Variants in GPHN observed in about 807,000 individuals in gnomAD.
GPHN encodes gephyrin.
A neutral mutation model predicts 95.5 loss-of-function variants in GPHN; 17 were observed. The observed-to-expected ratio is 0.18, with a 90% CI of 0.12 to 0.27. The LOEUF (loss-of-function observed/expected upper bound fraction) is 0.27, where lower values mean the gene tolerates loss of function less well. Ranked by LOEUF, GPHN falls within the 10% of genes least tolerant of loss-of-function variation. The pLI is 1.00. For synonymous variants in GPHN, 320 were observed against 322.5 expected (o/e 0.99, Z 0.08); for missense variants, 660 against 978.1 (o/e 0.67, Z 4.34).
chr14:67,103,089 T>C (rs2077809073), intron 13 of GPHN, among the ~76,000 whole-genome samples: 1 of 152,014 alleles, frequency 6.6e-6, no homozygotes, highest in African/African-American at 2.4e-5. Flanking sequence ...GGTTTCTGGG[T>C]TTTTTCTTGA....
the GPHN span, among the ~76,000 whole-genome samples, chr14:67,194,738 T>G: frequency 3.9e-5 from 6 of 152,118 alleles, no homozygotes. Flanking sequence ...CCTGACCTGG[T>G]GATCCACCTC....
At chr14:66,999,723 G>C (rs1391547593) in intron 9 of GPHN, among the ~76,000 whole-genome samples, 1 of 151,758 alleles carries the variant, frequency 6.6e-6, no homozygotes, top group Admixed American at 6.6e-5. Context: ...TGTTGTAGCA[G>C]AGTTCCCTTT....
At chr14:67,277,869 C>G in the GPHN span, among the ~76,000 whole-genome samples, 1 of 152,048 alleles carries the variant, frequency 6.6e-6, no homozygotes, top group African/African-American at 2.4e-5. Context: ...GAGAAAATGA[C>G]TGGTCTTAAG....
intron 1 of GPHN, among the ~76,000 whole-genome samples, chr14:66,675,008 C>T (rs1413934352): frequency 1.3e-5 from 2 of 152,104 alleles, no homozygotes; most frequent in Non-Finnish European, 2.9e-5. Context: ...AATAGCCATT[C>T]TGACTGGGGT....
At chr14:66,592,283 A>C (rs36143685) in intron 1 of GPHN, among the ~76,000 whole-genome samples, 1 of 152,218 alleles carries the variant, frequency 6.6e-6, no homozygotes, top group Non-Finnish European at 1.5e-5. Context: ...CAATGGCAGC[A>C]AAAGCCAAAA....
the GPHN span, among the ~76,000 whole-genome samples, chr14:67,464,486 C>T: frequency 6.6e-6 from 1 of 152,148 alleles, no homozygotes; most frequent in African/African-American, 2.4e-5. Context: ...GCTTCTCTCA[C>T]CTGCATCCTG....
chr14:67,092,676 C>T (rs1357064197), intron 12 of GPHN, among the ~76,000 whole-genome samples: 1 of 151,754 alleles, frequency 6.6e-6, no homozygotes. Flanking sequence ...CAAAATAAAA[C>T]ATTAAGAAAG....
chr14:66,893,445 A>G (rs2064640110), intron 5 of GPHN, among the ~76,000 whole-genome samples: 1 of 152,136 alleles, frequency 6.6e-6, no homozygotes, highest in African/African-American at 2.4e-5. Context: ...CCCTTTGAAA[A>G]CTGGCACAAG....
At chr14:66,695,256 A>G (rs770857958) in intron 2 of GPHN, among the ~76,000 whole-genome samples, 1 of 152,234 alleles carries the variant, frequency 6.6e-6, no homozygotes, top group Non-Finnish European at 1.5e-5. Context: ...AGATATACAG[A>G]TGTCAAATAA....
At chr14:66,725,546 C>G (rs1016121783) in intron 2 of GPHN, among the ~76,000 whole-genome samples, 1 of 152,136 alleles carries the variant, frequency 6.6e-6, no homozygotes, top group Non-Finnish European at 1.5e-5. Flanking sequence ...TGCAGTGGCA[C>G]AATCTCGGCT....
At chr14:67,713,217 C>T in the GPHN span, among the ~76,000 whole-genome samples, 1 of 151,634 alleles carries the variant, frequency 6.6e-6, no homozygotes, top group Non-Finnish European at 1.5e-5. Flanking sequence ...CTGAAAACAA[C>T]TCTCTACCAT....
the GPHN span, chr14:67,312,666 G>T: frequency 6.2e-7 from 1 of 1,612,866 alleles, no homozygotes; most frequent in Non-Finnish European, 8.5e-7. Context: ...CAGGCCTACA[G>T]GGAAGGGGAC....
chr14:67,600,226 C>T, the GPHN span: 1 of 1,544,962 alleles, frequency 6.5e-7, no homozygotes, highest in Non-Finnish European at 8.7e-7. Context: ...CGGCCGCCCG[C>T]ACCGCGCGGC....
At chr14:67,264,023 A>G in the GPHN span, among the ~76,000 whole-genome samples, 3 of 152,136 alleles carry the variant, frequency 2.0e-5, no homozygotes, top group African/African-American at 7.2e-5. Context: ...TCAGGCTCCC[A>G]TGCAAGCACC....
chr14:67,305,490 A>G, the GPHN span, among the ~76,000 whole-genome samples: 1 of 152,176 alleles, frequency 6.6e-6, no homozygotes, highest in African/African-American at 2.4e-5. Flanking sequence ...TATGTTGCCC[A>G]GGCTAGTCTC....
At chr14:67,370,225 T>C in the GPHN span, among the ~76,000 whole-genome samples, 1 of 152,214 alleles carries the variant, frequency 6.6e-6, no homozygotes, top group Admixed American at 6.5e-5. Flanking sequence ...ACCTTCCAGC[T>C]TGGGCGTTAG....
the GPHN span, chr14:67,593,688 T>C: frequency 4.6e-5 from 46 of 1,006,212 alleles, no homozygotes; most frequent in African/African-American, 6.6e-4. Context: ...GAACATCCCA[T>C]GGGCTGGCTA....
intron 2 of GPHN, among the ~76,000 whole-genome samples, chr14:66,733,859 T>C (rs887658505): frequency 1.3e-5 from 2 of 152,172 alleles, no homozygotes; most frequent in East Asian, 3.8e-4. Flanking sequence ...TGGATGAAAA[T>C]TGCCAAAGAT....
At chr14:66,678,421 G>T (rs2066738486) in intron 1 of GPHN, among the ~76,000 whole-genome samples, 1 of 148,522 alleles carries the variant, frequency 6.7e-6, no homozygotes, top group South Asian at 2.1e-4. Flanking sequence ...TGAGTTCCGG[G>T]ATTTCTGTTT....
Sources: allele counts gnomAD v4.1 joint callset (sites outside exome capture counted in the v4.1 genomes callset), GRCh38; gene constraint gnomAD v4.1.1; transcripts MANE v1.5; gene names NCBI Gene and HGNC (gene_info 2026-07-23, HGNC 2026-07-21).